Variants in DENND5B observed in about 807,000 individuals in gnomAD.
DENND5B encodes the protein DENN domain-containing protein 5B.
A neutral mutation model predicts 140.6 loss-of-function variants in DENND5B; 34 were observed. That is an observed-to-expected ratio of 0.24 (90% CI 0.18 to 0.32). The LOEUF (loss-of-function observed/expected upper bound fraction) is 0.32. Among genes scored for constraint, DENND5B ranks in the 10% least tolerant of loss-of-function variants. DENND5B has a pLI of 1.00. For synonymous variants in DENND5B, 551 were observed against 562.1 expected (o/e 0.98, Z 0.28); for missense variants, 1,142 against 1,560.2 (o/e 0.73, Z 4.52).
At chr12:31,485,867 C>T (rs554829137) in intron 2 of DENND5B, among the ~76,000 whole-genome samples, 1 of 152,168 alleles carries the variant, frequency 6.6e-6, no homozygotes, top group Non-Finnish European at 1.5e-5. Flanking sequence ...CACACAGAGA[C>T]AGAAGGAGCC....
intron 15 of DENND5B, among the ~76,000 whole-genome samples, chr12:31,400,236 A>T (rs1440267586): frequency 6.6e-6 from 1 of 152,152 alleles, no homozygotes; most frequent in Non-Finnish European, 1.5e-5. Flanking sequence ...TTTTTAGAAA[A>T]TTTTTTGTGG....
intron 1 of DENND5B, among the ~76,000 whole-genome samples, chr12:31,513,134 TTGTCTG>T (rs1238527298): frequency 3.0e-4 from 46 of 152,154 alleles, no homozygotes; most frequent in Admixed American, 3.0e-3. Context: ...CAACTGGGAT[TTGTCTG>T]ATGTTTTTCT....
At chr12:31,494,187 TCC>T (rs200365126) in intron 2 of DENND5B, among the ~76,000 whole-genome samples, 4,486 of 70,328 alleles carry the variant, frequency 0.064, 161 homozygotes, top group Admixed American at 0.2. Context: ...TATCTATCCA[TCC>T]ATCCATCCAT....
intron 1 of DENND5B, among the ~76,000 whole-genome samples, chr12:31,576,835 C>A (rs1950033771): frequency 6.6e-6 from 1 of 150,872 alleles, no homozygotes; most frequent in Non-Finnish European, 1.5e-5. Flanking sequence ...GGAGATCAAG[C>A]CTGCAGTGAG....
chr12:31,410,350 A>C lies in DENND5B; in HGVS notation c.2682-966T>G, dbSNP rs1010089301. Among the ~76,000 whole-genome samples the C allele has an allele frequency of 2.0e-5, 3 of 152,218 alleles. No homozygotes were observed. The South Asian group carries it at 6.2e-4, about 32-fold the overall frequency. ...CCAAGTGTTTTATAGGTATTAATACATTTAATTCTCACTCTATGAGGTAAG... is the reference window on the plus strand; with the variant it reads ...CCAAGTGTTTTATAGGTATTAATACCTTTAATTCTCACTCTATGAGGTAAG... On this transcript the variant is annotated intron_variant, in intron 13 of 20. Coordinates refer to ENST00000389082, the MANE Select transcript of DENND5B (RefSeq NM_144973.4).
chr12:31,566,338 C>CTGCGTG (rs1555174669), intron 1 of DENND5B, among the ~76,000 whole-genome samples: 1 of 148,496 alleles, frequency 6.7e-6, no homozygotes, highest in Non-Finnish European at 1.5e-5. Context: ...CTCTTAAAAA[C>CTGCGTG]TGTGTGTGTG....
intron 1 of DENND5B, among the ~76,000 whole-genome samples, chr12:31,576,531 A>G (rs954594297): frequency 6.6e-6 from 1 of 151,946 alleles, no homozygotes; most frequent in Admixed American, 6.6e-5. Flanking sequence ...GAAAAAAAGA[A>G]ATTTCCCAGT....
At chr12:31,459,656 T>A (rs1378113145) in intron 4 of DENND5B, among the ~76,000 whole-genome samples, 1 of 152,124 alleles carries the variant, frequency 6.6e-6, no homozygotes, top group African/African-American at 2.4e-5. Flanking sequence ...GCATAAAAAC[T>A]AGGTGTTAGA....
At chr12:31,520,835 A>G (rs866079156) in intron 1 of DENND5B, among the ~76,000 whole-genome samples, 1 of 119,240 alleles carries the variant, frequency 8.4e-6, no homozygotes, top group Non-Finnish European at 1.6e-5. Context: ...TACATTTTAA[A>G]AATAGTTAAC....
rs563731465 is a variant in DENND5B, at chr12:31,422,139, G to A, written c.2470+1458C>T. Among the ~76,000 whole-genome samples, 3 of 151,994 alleles carry A rather than the reference G, an allele frequency of 2.0e-5. No homozygotes were observed. The South Asian group carries it at 6.2e-4, about 32-fold the overall frequency. ...TAGGATGAATAAAAGGGTCTTTAAG[G>A]TCAGGCACGGTGGCTCACTCCTGTA... On this transcript the variant is annotated intron_variant, in intron 11 of 20. Coordinates refer to ENST00000389082, the MANE Select transcript of DENND5B (RefSeq NM_144973.4).
chr12:31,503,210 A>C (rs149720371), intron 1 of DENND5B, among the ~76,000 whole-genome samples: 121 of 152,272 alleles, frequency 7.9e-4, no homozygotes, highest in African/African-American at 2.4e-3. Flanking sequence ...GAGAGAGGGG[A>C]ATTACACTAT....
At chr12:31,583,686 C>T (rs1950289876) in intron 1 of DENND5B, among the ~76,000 whole-genome samples, 1 of 149,704 alleles carries the variant, frequency 6.7e-6, no homozygotes, top group Admixed American at 6.7e-5. Flanking sequence ...TGGGAAAAAA[C>T]AAAAACAAAA....
chr12:31,567,971 C>T (rs1385511304), intron 1 of DENND5B, among the ~76,000 whole-genome samples: 1 of 152,154 alleles, frequency 6.6e-6, no homozygotes, highest in African/African-American at 2.4e-5. Flanking sequence ...TTCCAAAGTA[C>T]GGGATTACAG....
intron 1 of DENND5B, among the ~76,000 whole-genome samples, chr12:31,501,915 G>C (rs1037735114): frequency 6.6e-6 from 1 of 152,148 alleles, no homozygotes; most frequent in African/African-American, 2.4e-5. Flanking sequence ...GTGTGTGTGG[G>C]GTGAGGCAAG....
chr12:31,409,425 G>GA (rs111670680), intron 13 of DENND5B, 41 bp from the exon 14 acceptor site: 119,803 of 973,840 alleles, frequency 0.12, no homozygotes, highest in Non-Finnish European at 0.13. Context: ...TAGTATCAAA[G>GA]AAAAAAAAAA....
intron 4 of DENND5B, among the ~76,000 whole-genome samples, chr12:31,453,862 C>A (rs912436722): frequency 6.6e-6 from 1 of 152,082 alleles, no homozygotes; most frequent in African/African-American, 2.4e-5. Context: ...CAAAATGAGG[C>A]CTAGCATGGT....
At chr12:31,463,421 G>A (rs1945112024) in intron 3 of DENND5B, among the ~76,000 whole-genome samples, 1 of 152,100 alleles carries the variant, frequency 6.6e-6, no homozygotes, top group African/African-American at 2.4e-5. Flanking sequence ...AAGGATTGGG[G>A]CCTTTTATAT....
At chr12:31,426,589 C>T (rs534361837) in intron 8 of DENND5B, 165 bp from the exon 9 acceptor site, 24 of 701,542 alleles carry the variant, frequency 3.4e-5, no homozygotes, top group South Asian at 3.1e-4. Context: ...ACAGAGGACA[C>T]TCATATGCCA....
rs371979771 is a variant in DENND5B at position 31,552,114 on chromosome 12, C to A, written c.127+38592G>T. Reference sequence around the variant, plus strand: ...TTCCAACACTATGTTGAATAGGAGTCGTGAGAGAGGGCATCCCTGTCTTGT... The same window carrying A: ...TTCCAACACTATGTTGAATAGGAGTAGTGAGAGAGGGCATCCCTGTCTTGT... On this transcript the variant is annotated intron_variant, in intron 1 of 20. Coordinates refer to ENST00000389082, the MANE Select transcript of DENND5B (RefSeq NM_144973.4). Among the ~76,000 whole-genome samples, 415 of 151,528 alleles carry A rather than the reference C, an allele frequency of 2.7e-3. 3 individuals carry two copies. The highest frequency in any genetic ancestry group is 4.1e-3 in the Non-Finnish European group (276 of 67,962).
Sources: allele counts gnomAD v4.1 joint callset (sites outside exome capture counted in the v4.1 genomes callset), GRCh38; gene constraint gnomAD v4.1.1; transcripts MANE v1.5; gene names NCBI Gene and HGNC (gene_info 2026-07-23, HGNC 2026-07-21).